The following WTIP variants were observed in gnomAD, a reference collection of about 807,000 sequenced individuals.
The protein encoded by WTIP is WT1 interacting protein, also known as Wilms tumor protein 1-interacting protein.
A neutral mutation model predicts 41.7 loss-of-function variants in WTIP; 23 were observed. The observed-to-expected ratio is 0.55, with a 90% CI of 0.40 to 0.78. WTIP has a LOEUF of 0.78. WTIP is among the 30% of genes least tolerant of loss of function. The pLI, the probability that WTIP is intolerant of heterozygous loss-of-function variation, is 0.00. For missense variants in WTIP, 619 were observed against 610.5 expected (o/e 1.01, Z -0.15); for synonymous variants, 314 against 269.9 (o/e 1.16, Z -1.60).
At chr19:34,490,711 A>G (rs2075821255) in intron 2 of WTIP, among the ~76,000 whole-genome samples, 1 of 152,242 alleles carries the variant, frequency 6.6e-6, no homozygotes, top group Admixed American at 6.5e-5. Flanking sequence ...TGTGCCACGC[A>G]GGGCACTAAT....
In WTIP at chr19:34,498,157, G is replaced by A. The variant is rs544840533; in HGVS notation, c.1153-1972G>A. ...TCCCTTCCCTGCGCAGGGCGGGCCA[G>A]GTGTTGGTGTCAGGGGCTCTGGGTA... On this transcript the variant is annotated intron_variant, in intron 7 of 7. Transcript: ENST00000590071. Among the ~76,000 whole-genome samples, 436 of 152,276 alleles carry A rather than the reference G, an allele frequency of 2.9e-3. 2 individuals carry two copies. The highest frequency in any genetic ancestry group is 9.7e-3 in the South Asian group (47 of 4,826).
chr19:34,488,920 G>C (rs1468111874), intron 1 of WTIP, among the ~76,000 whole-genome samples: 2 of 138,086 alleles, frequency 1.4e-5, no homozygotes, highest in Non-Finnish European at 3.1e-5. Context: ...AAAAAAGGCC[G>C]GGAGCAGTGG....
Position 34,500,579 on chromosome 19 carries a change from G to T in WTIP, c.*310G>T, listed in dbSNP as rs1599966579. The T allele has an allele frequency of 6.4e-6, 2 of 311,350 alleles. No homozygotes were observed. The highest frequency in any genetic ancestry group is 1.1e-4 in the East Asian group (2 of 18,154). The allele number at this position is 311,350 out of a possible 1,614,324, so 19.3% of individuals were successfully genotyped here. ...GGAGAGGGCCCCTGCCTTGGCCAGG[G>T]GTGCGAGGTGACCCGGCTGCATTGC... On this transcript the variant is annotated 3_prime_UTR_variant, in exon 8 of 8. Coordinates refer to ENST00000590071, the MANE Select transcript of WTIP (RefSeq NM_001080436.2).
Position 34,502,380 on chromosome 19 carries a change from C to G in WTIP, c.*2111C>G, listed in dbSNP as rs2075892414. 6.6e-6 allele frequency: 1 copy of G among 151,476 alleles called. No homozygotes were observed. Among genetic ancestry groups the G allele is most frequent in the South Asian group, 2.1e-4 (1 of 4,796 alleles). The allele number at this position is 151,476 out of a possible 1,614,324, so 9.4% of individuals were successfully genotyped here. ...AAGTAATTCTCATGCCTCAGCCTCC[C>G]CAGTAGCTGAGACTACAGGTGTGCC... On this transcript the variant is annotated 3_prime_UTR_variant, in exon 8 of 8. Coordinates refer to ENST00000590071, the MANE Select transcript of WTIP (RefSeq NM_001080436.2).
chr19:34,494,656 G>A lies in WTIP; in HGVS notation c.1083+19G>A. ...TGCACAGGTAGGAGCCACTCACCCA[G>A]AGATGATCAGGTGCCTGGCCCAGCC... is the stretch of plus-strand genomic sequence containing the variant. On this transcript the variant is annotated intron_variant, in intron 6 of 7. Coordinates refer to ENST00000590071, the MANE Select transcript of WTIP (RefSeq NM_001080436.2). The A allele has an allele frequency of 6.2e-7, 1 of 1,611,562 alleles. No individual in the cohort carries two copies. Among genetic ancestry groups the A allele is most frequent in the Non-Finnish European group, 8.5e-7 (1 of 1,179,014 alleles).
At chr19:34,483,409 C>T (rs2075781272) in intron 1 of WTIP, among the ~76,000 whole-genome samples, 1 of 152,176 alleles carries the variant, frequency 6.6e-6, no homozygotes, top group Non-Finnish European at 1.5e-5. Context: ...GCTTCCCCGT[C>T]TGCCCCGCCA....
rs2145622711 is a variant in WTIP, at chr19:34,512,230, T to C, written c.*11961T>C. 6.6e-6 allele frequency: 1 copy of C among 152,334 alleles called. No individual in the cohort carries two copies. The highest frequency in any genetic ancestry group is 2.4e-5 in the African/African-American group (1 of 41,558). The allele number at this position is 152,334 out of a possible 1,614,324, so 9.4% of individuals were successfully genotyped here. On this transcript the variant is annotated 3_prime_UTR_variant, in exon 8 of 8. Transcript: ENST00000590071. ...TCAGACTCCACCTTGAGTCTGGCAT[T>C]GGCTGTTGGCATCATGAGGACCCCA...
chr19:34,498,110 G>A (rs2075865029), intron 7 of WTIP, among the ~76,000 whole-genome samples: 1 of 152,154 alleles, frequency 6.6e-6, no homozygotes, highest in Non-Finnish European at 1.5e-5. Context: ...GGAGTGATGT[G>A]GTGTCACTGC....
At chr19:34,489,503 T>C (rs2075814984) in intron 1 of WTIP, among the ~76,000 whole-genome samples, 1 of 152,126 alleles carries the variant, frequency 6.6e-6, no homozygotes. Flanking sequence ...TGCCCCTGAG[T>C]GCCCATGTGG....
rs1008170450 is a variant in WTIP at position 34,501,243 on chromosome 19, G to A, written c.*974G>A. On this transcript the variant is annotated 3_prime_UTR_variant, in exon 8 of 8. Transcript: ENST00000590071. ...CACAAGTGTCTAGTTTGTCTGTTAC[G>A]GAGCTGGTTTTCAGGTGGTAAGAAC... 6.6e-6 allele frequency: 1 copy of A among 152,618 alleles called. No individual in the cohort carries two copies. Among genetic ancestry groups the A allele is most frequent in the African/African-American group, 2.4e-5 (1 of 41,450 alleles). 9.5% of individuals were successfully genotyped at this position (152,618 alleles called of 1,614,324 possible).
At position 34,503,252 on chromosome 19, in the gene WTIP, G is replaced by T; in HGVS notation, c.*2983G>T. The T allele has an allele frequency of 6.6e-6, 1 of 152,432 alleles. No individual in the cohort carries two copies. Among genetic ancestry groups the T allele is most frequent in the Non-Finnish European group, 1.5e-5 (1 of 68,134 alleles). The allele number at this position is 152,432 out of a possible 1,614,324, so 9.4% of individuals were successfully genotyped here. On this transcript the variant is annotated 3_prime_UTR_variant, in exon 8 of 8. Transcript: ENST00000590071. ...GCATTGCCTTCTGTCAGGGCTGGTG[G>T]CCACTGCTCCACCTCCTCCCCCGGA...
At chr19:34,486,364 G>GT (rs753046388) in intron 1 of WTIP, among the ~76,000 whole-genome samples, 5,342 of 148,008 alleles carry the variant, frequency 0.036, 140 homozygotes, top group Admixed American at 0.092. Flanking sequence ...GCCTTTGTCA[G>GT]TTTGTTTTTT....
rs780823511 is a variant in WTIP, at chr19:34,512,012, CA to C, written c.*11744del. 1 of 152,192 alleles carries C rather than the reference CA, an allele frequency of 6.6e-6. No homozygotes were observed. The highest frequency in any genetic ancestry group is 1.5e-5 in the Non-Finnish European group (1 of 68,042). The allele number at this position is 152,192 out of a possible 1,614,324, so 9.4% of individuals were successfully genotyped here. ...CTTTGAGGGTCTGGTGCGTTTCCTC[CA>C]TTCACTGAAGTTTTATTTTACATCT... On this transcript the variant is annotated 3_prime_UTR_variant, in exon 8 of 8. Transcript: ENST00000590071.
At chr19:34,495,558 C>T (rs1254875985) in intron 6 of WTIP, 145 bp from the exon 7 acceptor site, 2 of 820,954 alleles carry the variant, frequency 2.4e-6, no homozygotes, top group East Asian at 5.4e-5. Context: ...CCTGTCCCGC[C>T]CCACAGAAGC....
Position 34,486,657 on chromosome 19 carries a change from C to T in WTIP, c.668-3719C>T, listed in dbSNP as rs570489358. On this transcript the variant is annotated intron_variant, in intron 1 of 7. Coordinates refer to ENST00000590071, the MANE Select transcript of WTIP (RefSeq NM_001080436.2). ...CTGGGATTACAGGCGTGAGCCACCG[C>T]GCCTGGCCGCCTTTGTCAGTTTCCT... Among the ~76,000 whole-genome samples, 20 of 151,880 alleles carry T rather than the reference C, an allele frequency of 1.3e-4. No homozygotes were observed. In the South Asian group the frequency reaches 2.3e-3, roughly 17 times the overall value.
At chr19:34,495,410 G>A (rs1392687200) in intron 6 of WTIP, among the ~76,000 whole-genome samples, 1 of 151,612 alleles carries the variant, frequency 6.6e-6, no homozygotes, top group Non-Finnish European at 1.5e-5. Flanking sequence ...AAAAAAAAAA[G>A]GATCAGTGAG....
chr19:34,495,457 A>G (rs886718615), intron 6 of WTIP, among the ~76,000 whole-genome samples: 1 of 151,826 alleles, frequency 6.6e-6, no homozygotes, highest in Non-Finnish European at 1.5e-5. Flanking sequence ...CAAACACGTG[A>G]CACTCTTGTG....
chr19:34,484,271 G>A (rs1312788938), intron 1 of WTIP, among the ~76,000 whole-genome samples: 10 of 152,190 alleles, frequency 6.6e-5, no homozygotes, highest in Non-Finnish European at 1.2e-4. Context: ...GAGGGGCCAG[G>A]TGGGGGCATT....
chr19:34,492,089 T>A (rs375234787), intron 2 of WTIP, among the ~76,000 whole-genome samples: 27 of 149,398 alleles, frequency 1.8e-4, no homozygotes, highest in African/African-American at 6.6e-4. Flanking sequence ...CTTTAATGGC[T>A]GATCTTGTGT....
Sources: gnomAD v4.1 joint callset for allele counts (sites outside exome capture counted in the v4.1 genomes callset) on GRCh38, gnomAD v4.1.1 for gene constraint, MANE v1.5 for transcripts, NCBI Gene and HGNC (gene_info 2026-07-23, HGNC 2026-07-21) for gene names.